The following TSHZ3 variants were observed in gnomAD, a reference collection of about 807,000 sequenced individuals.
The protein encoded by TSHZ3 is teashirt homolog 3.
A neutral mutation model predicts 64.5 loss-of-function variants in TSHZ3; 10 were observed. The ratio of observed to expected loss-of-function variants is 0.16; its 90% CI spans 0.10 to 0.26. TSHZ3 has a LOEUF of 0.26. Among genes scored for constraint, TSHZ3 ranks in the 10% least tolerant of loss-of-function variants. The pLI is 1.00. For missense variants in TSHZ3, 1,242 were observed against 1,421.7 expected, an observed-to-expected ratio of 0.87 and a Z score of 2.03; for synonymous variants, 608 against 593.1, an observed-to-expected ratio of 1.03 and a Z score of -0.36.
At chr19:31,260,270 C>T (rs1402149351) in intron 1 of TSHZ3, among the ~76,000 whole-genome samples, 1 of 152,216 alleles carries the variant, frequency 6.6e-6, no homozygotes, top group African/African-American at 2.4e-5. Flanking sequence ...CCGCCCAGGT[C>T]TCTGTCAGAT....
At position 31,275,678 on chromosome 19, in the gene TSHZ3, T is replaced by G. The variant is rs1480777034; in HGVS notation, c.*869A>C. 2.0e-5 allele frequency: 3 copies of G among 152,610 alleles called. No individual in the cohort carries two copies. Among genetic ancestry groups the G allele is most frequent in the African/African-American group, 7.2e-5 (3 of 41,444 alleles). 9.5% of individuals were successfully genotyped at this position (152,610 alleles called of 1,614,324 possible). Reference sequence around the variant, plus strand: ...CCTCTATCAATATAGATGTACTGTATAGCAAAACAAACTATCATACTTTGC... The same window carrying G: ...CCTCTATCAATATAGATGTACTGTAGAGCAAAACAAACTATCATACTTTGC... On this transcript the variant is annotated 3_prime_UTR_variant, in exon 2 of 2. Transcript: ENST00000240587.
chr19:31,276,731 G>C lies in TSHZ3; in HGVS notation c.3062C>G (p.Thr1021Ser), dbSNP rs1284826130. 1 of 1,613,518 alleles carries C rather than the reference G, an allele frequency of 6.2e-7. No homozygotes were observed. Among genetic ancestry groups the C allele is most frequent in the Non-Finnish European group, 8.5e-7 (1 of 1,179,548 alleles). The change falls in exon 2 of 2, where the codon ACC becomes AGC. Residue 1021 changes from threonine to serine, a missense_variant. This residue lies in a region of TSHZ3 where 126 missense variants were observed against 140.6 expected (regional missense o/e 0.90). Coordinates refer to ENST00000240587, the MANE Select transcript of TSHZ3 (RefSeq NM_020856.4). ...TEQINSQIAQ[T>S]KSPSEKMVTS... is the part of the protein sequence containing the mutation. Reference sequence around the variant, plus strand: ...CACCATTTTTTCTGACGGTGACTTGGTTTGTGCTATCTGACTGTTAATCTG... The same window carrying C: ...CACCATTTTTTCTGACGGTGACTTGCTTTGTGCTATCTGACTGTTAATCTG...
At chr19:31,214,909 G>GAAA (rs950173415) in intron 4 of TSHZ3, among the ~76,000 whole-genome samples, 35 of 41,740 alleles carry the variant, frequency 8.4e-4, no homozygotes, top group South Asian at 1.7e-3. Context: ...CTCTGTCTCA[G>GAAA]AAAAAAAAAA....
chr19:31,287,319 G>T (rs1976480047), intron 1 of TSHZ3, among the ~76,000 whole-genome samples: 1 of 152,206 alleles, frequency 6.6e-6, no homozygotes, highest in Admixed American at 6.5e-5. Context: ...AAGGTGCTTT[G>T]CTGGCTAAAA....
intron 5 of TSHZ3, among the ~76,000 whole-genome samples, chr19:31,165,051 G>A (rs565545370): frequency 1.2e-4 from 18 of 152,222 alleles, no homozygotes; most frequent in Non-Finnish European, 2.4e-4. Context: ...TTCCTGCTCT[G>A]TGCAGGGACA....
chr19:31,291,205 CA>C (rs1251776795), intron 1 of TSHZ3, among the ~76,000 whole-genome samples: 3 of 152,216 alleles, frequency 2.0e-5, no homozygotes, highest in Admixed American at 1.3e-4. Flanking sequence ...TCAGAAGACT[CA>C]GAGCCCAGGA....
intron 3 of TSHZ3, among the ~76,000 whole-genome samples, chr19:31,235,584 T>TTC (rs1975597933): frequency 1.4e-5 from 2 of 142,584 alleles, no homozygotes; most frequent in African/African-American, 5.6e-5. Flanking sequence ...TTCCTTCTCT[T>TTC]TTTTCTTTCT....
chr19:31,176,216 C>T (rs2145120531), intron 5 of TSHZ3, among the ~76,000 whole-genome samples: 1 of 152,244 alleles, frequency 6.6e-6, no homozygotes, highest in Non-Finnish European at 1.5e-5. Context: ...TTGGCTGGAC[C>T]CACCAGCAGA....
intron 1 of TSHZ3, among the ~76,000 whole-genome samples, chr19:31,268,663 T>C (rs1470023579): frequency 6.6e-6 from 1 of 152,062 alleles, no homozygotes; most frequent in Non-Finnish European, 1.5e-5. Flanking sequence ...AAGAAAGTAG[T>C]GAGGTGAGCT....
At chr19:31,189,920 C>G (rs1330940901) in intron 5 of TSHZ3, among the ~76,000 whole-genome samples, 2 of 152,030 alleles carry the variant, frequency 1.3e-5, no homozygotes, top group African/African-American at 4.8e-5. Context: ...TATTGCTATT[C>G]TTCTTTTTAA....
At chr19:31,187,809 A>G (rs185859963) in intron 5 of TSHZ3, among the ~76,000 whole-genome samples, 1 of 152,248 alleles carries the variant, frequency 6.6e-6, no homozygotes, top group Non-Finnish European at 1.5e-5. Flanking sequence ...ACACCAATGC[A>G]AACTGTCTTG....
intron 4 of TSHZ3, among the ~76,000 whole-genome samples, chr19:31,216,556 C>A (rs562387760): frequency 6.6e-6 from 1 of 151,972 alleles, no homozygotes; most frequent in Admixed American, 6.5e-5. Flanking sequence ...TCAAGCAGTT[C>A]TCCTGCCTCA....
intron 5 of TSHZ3, among the ~76,000 whole-genome samples, chr19:31,169,290 C>T (rs1007644078): frequency 2.6e-5 from 4 of 152,212 alleles, no homozygotes; most frequent in African/African-American, 9.6e-5. Context: ...TGGGTCTATA[C>T]CCTGAAGAAT....
chr19:31,265,397 C>CAA (rs11432951), intron 1 of TSHZ3, among the ~76,000 whole-genome samples: 6,179 of 33,982 alleles, frequency 0.18, 588 homozygotes, highest in African/African-American at 0.27. Flanking sequence ...AACTCTGTCT[C>CAA]AAAAAAAAAA....
At chr19:31,226,409 G>A (rs973581013) in intron 4 of TSHZ3, among the ~76,000 whole-genome samples, 1 of 152,070 alleles carries the variant, frequency 6.6e-6, no homozygotes, top group Non-Finnish European at 1.5e-5. Context: ...GTTTCATAAG[G>A]GGTTTCCTCT....
At chr19:31,321,375 T>C (rs1916765954) in intron 1 of TSHZ3, among the ~76,000 whole-genome samples, 1 of 152,238 alleles carries the variant, frequency 6.6e-6, no homozygotes. Flanking sequence ...CCCTAGGACA[T>C]GCCCGGTGGC....
intron 1 of TSHZ3, among the ~76,000 whole-genome samples, chr19:31,317,700 C>T (rs1381073817): frequency 6.6e-6 from 1 of 152,240 alleles, no homozygotes; most frequent in Non-Finnish European, 1.5e-5. Context: ...ACGCCTGCCC[C>T]GCTGCTCCCA....
chr19:31,300,058 G>A (rs1489094864), intron 1 of TSHZ3, among the ~76,000 whole-genome samples: 1 of 152,154 alleles, frequency 6.6e-6, no homozygotes, highest in African/African-American at 2.4e-5. Flanking sequence ...GTGTGAGCAC[G>A]CGAGAGAGTG....
At chr19:31,159,060 C>T (rs150493675) in intron 5 of TSHZ3, among the ~76,000 whole-genome samples, 2,003 of 152,220 alleles carry the variant, frequency 0.013, 31 homozygotes, top group Non-Finnish European at 0.014. Flanking sequence ...TGTGCAGTGG[C>T]GTGATCTCAG....
Sources: allele counts gnomAD v4.1 joint callset (sites outside exome capture counted in the v4.1 genomes callset), GRCh38; gene constraint gnomAD v4.1.1; regional missense constraint gnomAD v4.1.1; transcripts MANE v1.5; gene names NCBI Gene and HGNC (gene_info 2026-07-23, HGNC 2026-07-21).